The following ZNF385D variants were observed in gnomAD, a reference collection of about 807,000 sequenced individuals.
ZNF385D encodes zinc finger protein 659.
Under a neutral mutation model 35.8 loss-of-function variants are expected in ZNF385D, and 15 were observed. The observed-to-expected ratio is 0.42, with a 90% confidence interval of 0.28 to 0.64. The LOEUF (loss-of-function observed/expected upper bound fraction) is 0.64, where lower values mean the gene tolerates loss of function less well. Ranked by LOEUF, ZNF385D falls within the 30% of genes least tolerant of loss-of-function variation. ZNF385D has a pLI of 0.23. For synonymous variants in ZNF385D, 212 were observed against 186.8 expected (o/e 1.13, Z -1.10); for missense variants, 474 against 494.6 (o/e 0.96, Z 0.39).
intron 2 of ZNF385D, among the ~76,000 whole-genome samples, chr3:22,348,151 G>A (rs1386244217): frequency 6.6e-6 from 1 of 151,952 alleles, no homozygotes; most frequent in African/African-American, 2.4e-5. Context: ...TGATTAACTG[G>A]CTTTTTCTTA....
intron 2 of ZNF385D, among the ~76,000 whole-genome samples, chr3:21,603,666 A>G (rs2064387914): frequency 6.6e-6 from 1 of 152,224 alleles, no homozygotes; most frequent in Non-Finnish European, 1.5e-5. Context: ...ATGCCCTTAT[A>G]TACATTAAAA....
At chr3:22,216,282 T>A (rs763108927) in intron 2 of ZNF385D, among the ~76,000 whole-genome samples, 7 of 152,018 alleles carry the variant, frequency 4.6e-5, no homozygotes, top group Non-Finnish European at 1.0e-4. Context: ...TATAATTTCA[T>A]GAATATAAAT....
At chr3:21,899,032 C>A (rs1391169484) in intron 3 of ZNF385D, among the ~76,000 whole-genome samples, 3 of 152,042 alleles carry the variant, frequency 2.0e-5, no homozygotes, top group Non-Finnish European at 2.9e-5. Context: ...TTGAGTTATT[C>A]CCTCAGACAA....
At chr3:21,737,402 C>T (rs1028513698) in intron 1 of ZNF385D, among the ~76,000 whole-genome samples, 1 of 151,668 alleles carries the variant, frequency 6.6e-6, no homozygotes, top group Non-Finnish European at 1.5e-5. Flanking sequence ...ATACATAAAA[C>T]AATATGCAAA....
intron 3 of ZNF385D, among the ~76,000 whole-genome samples, chr3:21,838,814 A>T (rs920922368): frequency 6.6e-6 from 1 of 152,086 alleles, no homozygotes; most frequent in Non-Finnish European, 1.5e-5. Context: ...ACCAATTTTA[A>T]TAGGTGTCTT....
intron 2 of ZNF385D, among the ~76,000 whole-genome samples, chr3:22,183,307 C>T (rs1695407420): frequency 6.6e-6 from 1 of 152,176 alleles, no homozygotes; most frequent in African/African-American, 2.4e-5. Context: ...GCATTCTGCT[C>T]TTCTCAAGTG....
intron 1 of ZNF385D, 28 bp downstream of exon 1, chr3:21,750,867 G>A (rs2070040933): frequency 1.2e-6 from 2 of 1,613,792 alleles, no homozygotes; most frequent in Admixed American, 1.7e-5. Context: ...GACACCCCCA[G>A]AATTACATCA....
chr3:22,171,477 A>C (rs571029078), intron 2 of ZNF385D, among the ~76,000 whole-genome samples: 1 of 152,336 alleles, frequency 6.6e-6, no homozygotes, highest in East Asian at 1.9e-4. Context: ...ATTTTGTACT[A>C]AGTTGCAAAA....
chr3:21,428,224 A>C (rs1259894962), intron 5 of ZNF385D, among the ~76,000 whole-genome samples: 1 of 152,128 alleles, frequency 6.6e-6, no homozygotes, highest in Non-Finnish European at 1.5e-5. Flanking sequence ...GTATTAGAAG[A>C]ACCCCTTTGT....
At chr3:21,837,625 A>ACCAG (rs1695408721) in intron 3 of ZNF385D, among the ~76,000 whole-genome samples, 1 of 151,990 alleles carries the variant, frequency 6.6e-6, no homozygotes, top group African/African-American at 2.4e-5. Context: ...TGTAATCTTG[A>ACCAG]CACTTTGGGA....
At chr3:21,602,030 C>T (rs1423461348) in intron 2 of ZNF385D, among the ~76,000 whole-genome samples, 2 of 152,192 alleles carry the variant, frequency 1.3e-5, no homozygotes, top group African/African-American at 2.4e-5. Flanking sequence ...AATTGACTTA[C>T]AGTTCCACAT....
upstream of ZNF385D, among the ~76,000 whole-genome samples, chr3:21,753,101 T>C (rs1416742330): frequency 1.3e-5 from 2 of 152,220 alleles, no homozygotes; most frequent in African/African-American, 4.8e-5. Flanking sequence ...TGCATTTGCA[T>C]GACATTTTAC....
At chr3:21,561,867 A>C (rs1357885348) in intron 3 of ZNF385D, 1 of 152,222 alleles carries the variant, frequency 6.6e-6, no homozygotes, top group Non-Finnish European at 1.5e-5. Flanking sequence ...TATTGAAAGA[A>C]GAACCAAAAT....
intron 3 of ZNF385D, among the ~76,000 whole-genome samples, chr3:21,789,945 T>C (rs2071858600): frequency 1.3e-5 from 2 of 152,188 alleles, no homozygotes; most frequent in South Asian, 2.1e-4. Flanking sequence ...TAACAGGAAA[T>C]TGGCTAACAC....
At chr3:22,306,585 G>A (rs527831700) in intron 2 of ZNF385D, among the ~76,000 whole-genome samples, 1 of 152,250 alleles carries the variant, frequency 6.6e-6, no homozygotes, top group African/African-American at 2.4e-5. Context: ...GGGCAATCAT[G>A]CTAAGGCTGA....
chr3:21,509,046 C>T (rs947201033), intron 4 of ZNF385D, among the ~76,000 whole-genome samples: 1 of 150,576 alleles, frequency 6.6e-6, no homozygotes, highest in Non-Finnish European at 1.5e-5. Context: ...GGCACAATCT[C>T]GGCTCACAGC....
chr3:22,045,381 T>C (rs990370905), intron 3 of ZNF385D, among the ~76,000 whole-genome samples: 2 of 152,118 alleles, frequency 1.3e-5, no homozygotes, highest in African/African-American at 4.8e-5. Context: ...AGAGGGGCTC[T>C]TGAGAAATAC....
chr3:22,292,925 CCA>C (rs1276606254), intron 2 of ZNF385D, among the ~76,000 whole-genome samples: 1 of 152,022 alleles, frequency 6.6e-6, no homozygotes, highest in East Asian at 1.9e-4. Flanking sequence ...TTGTCCCATC[CCA>C]GATTCCTGTT....
chr3:21,892,854 C>T (rs1698942912), intron 3 of ZNF385D, among the ~76,000 whole-genome samples: 1 of 151,992 alleles, frequency 6.6e-6, no homozygotes, highest in African/African-American at 2.4e-5. Flanking sequence ...GTAAAGTCCA[C>T]TTGTTTTATA....
Sources: gnomAD v4.1 joint callset for allele counts (sites outside exome capture counted in the v4.1 genomes callset) on GRCh38, gnomAD v4.1.1 for gene constraint, MANE v1.5 for transcripts, NCBI Gene and HGNC (gene_info 2026-07-23, HGNC 2026-07-21) for gene names.